PARVB: variants seen among roughly 807,000 people sequenced by gnomAD.
PARVB encodes parvin beta.
PARVB carries 46 observed loss-of-function variants against 47.0 expected under a neutral mutation model. The ratio of observed to expected loss-of-function variants is 0.98; its 90% confidence interval spans 0.77 to 1.25. The LOEUF is 1.25. PARVB is among the 50% of genes most tolerant of loss of function. The pLI, the probability that PARVB is intolerant of heterozygous loss-of-function variation, is 0.00. For synonymous variants in PARVB, 196 were observed against 196.3 expected (o/e 1.00, Z 0.01); for missense variants, 473 against 471.6 (o/e 1.00, Z -0.03).
At chr22:44,159,080 C>T (rs1019687243) in intron 11 of PARVB, among the ~76,000 whole-genome samples, 9 of 152,124 alleles carry the variant, frequency 5.9e-5, no homozygotes, top group African/African-American at 7.2e-5. Flanking sequence ...AGAGAGCGAG[C>T]GAGCGAGCAA....
chr22:44,120,083 C>T (rs1174210535), intron 4 of PARVB: 2 of 353,826 alleles, frequency 5.7e-6, no homozygotes, highest in East Asian at 1.5e-4. Context: ...CCCACAGTCT[C>T]CTGGTGAACA....
intron 10 of PARVB, among the ~76,000 whole-genome samples, chr22:44,157,777 G>C (rs1028658506): frequency 6.6e-6 from 1 of 152,114 alleles, no homozygotes; most frequent in Admixed American, 6.5e-5. Context: ...TACTTGGGAG[G>C]CTGAGGTGGG....
intron 1 of PARVB, chr22:44,086,956 G>A (rs958019165): frequency 7.2e-6 from 3 of 416,512 alleles, no homozygotes; most frequent in African/African-American, 6.5e-5. Context: ...TCCCCAGCTG[G>A]GAAGAGGAGC....
intron 1 of PARVB, among the ~76,000 whole-genome samples, chr22:44,063,059 C>T (rs1362984393): frequency 1.3e-5 from 2 of 151,920 alleles, no homozygotes; most frequent in South Asian, 2.1e-4. Context: ...AATAAAACAT[C>T]CTTTTATCTC....
chr22:44,122,584 G>GAGAC (rs2053092322), intron 4 of PARVB, among the ~76,000 whole-genome samples: 2 of 127,452 alleles, frequency 1.6e-5, no homozygotes, highest in African/African-American at 6.9e-5. Context: ...GAGAGAGAGA[G>GAGAC]AGAGAGAGAG....
chr22:44,060,144 ATC>A (rs2051392788), intron 1 of PARVB, among the ~76,000 whole-genome samples: 1 of 151,974 alleles, frequency 6.6e-6, no homozygotes, highest in Non-Finnish European at 1.5e-5. Flanking sequence ...GTAAAATGCC[ATC>A]TCTACTAAAA....
At chr22:44,138,571 G>A (rs998074354) in intron 7 of PARVB, among the ~76,000 whole-genome samples, 3 of 152,148 alleles carry the variant, frequency 2.0e-5, no homozygotes, top group African/African-American at 7.2e-5. Flanking sequence ...TTGAATCATT[G>A]GATGTCTGCT....
chr22:44,025,121 T>G (rs957746553), intron 1 of PARVB, among the ~76,000 whole-genome samples: 4 of 152,022 alleles, frequency 2.6e-5, no homozygotes, highest in African/African-American at 9.7e-5. Flanking sequence ...AATTTTCTGC[T>G]TGGGTGGGGA....
At position 44,032,327 on chromosome 22, in the gene PARVB, G is replaced by A. The variant is rs542340670; in HGVS notation, c.112+7876G>A. ...ACATGATCAGCCCTGGGAAACCAGC[G>A]GAGTCTTTTACCTCCTCTGATGTTC... On this transcript the variant is annotated intron_variant, in intron 1 of 12. Transcript: ENST00000338758. 7.2e-5 allele frequency among the ~76,000 whole-genome samples: 11 copies of A among 152,286 alleles called. No homozygotes were observed. The South Asian group carries it at 1.4e-3, about 20-fold the overall frequency.
At chr22:44,128,714 G>A (rs1173980733) in intron 4 of PARVB, among the ~76,000 whole-genome samples, 2 of 152,200 alleles carry the variant, frequency 1.3e-5, no homozygotes, top group Non-Finnish European at 2.9e-5. Context: ...TGGGTAGCCT[G>A]GCAGCCTCCC....
intron 7 of PARVB, among the ~76,000 whole-genome samples, chr22:44,138,198 C>T (rs1253044153): frequency 6.6e-6 from 1 of 152,178 alleles, no homozygotes; most frequent in Non-Finnish European, 1.5e-5. Context: ...CAGGGCGACC[C>T]ATCCTGCTGA....
intron 2 of PARVB, among the ~76,000 whole-genome samples, chr22:44,098,171 CT>C (rs1433248718): frequency 6.6e-6 from 1 of 152,138 alleles, no homozygotes; most frequent in Non-Finnish European, 1.5e-5. Flanking sequence ...CAGAAACGGG[CT>C]CTCTGAAGGC....
intron 1 of PARVB, among the ~76,000 whole-genome samples, chr22:44,081,420 A>G (rs1336306411): frequency 6.6e-6 from 1 of 152,222 alleles, no homozygotes; most frequent in Non-Finnish European, 1.5e-5. Flanking sequence ...TTTCCATGGC[A>G]GGTGCATAGT....
intron 1 of PARVB, among the ~76,000 whole-genome samples, chr22:44,026,554 C>A (rs2050733279): frequency 6.6e-6 from 1 of 152,198 alleles, no homozygotes; most frequent in Admixed American, 6.5e-5. Flanking sequence ...ATAATGAGGG[C>A]TTGAATAATT....
chr22:44,045,006 A>T (rs1208705192), intron 1 of PARVB, among the ~76,000 whole-genome samples: 1 of 152,196 alleles, frequency 6.6e-6, no homozygotes, highest in Non-Finnish European at 1.5e-5. Flanking sequence ...TGGGAGGCCG[A>T]GGCAGGAGGA....
chr22:44,124,116 A>C (rs577026522), intron 4 of PARVB, among the ~76,000 whole-genome samples: 4 of 152,214 alleles, frequency 2.6e-5, no homozygotes, highest in Non-Finnish European at 4.4e-5. Context: ...TTCATTACCT[A>C]TGAAGATTGT....
intron 11 of PARVB, among the ~76,000 whole-genome samples, chr22:44,162,325 T>C (rs1358360321): frequency 2.6e-5 from 4 of 152,174 alleles, no homozygotes; most frequent in Non-Finnish European, 5.9e-5. Context: ...TGTTTGTTTG[T>C]TTGCTTGTTT....
intron 12 of PARVB, among the ~76,000 whole-genome samples, chr22:44,167,476 C>T (rs1009070058): frequency 6.6e-6 from 1 of 152,140 alleles, no homozygotes; most frequent in Non-Finnish European, 1.5e-5. Context: ...GGCTGCTGCT[C>T]TGGTCTCCCT....
chr22:44,008,994 T>C (rs1364638240), intron 2 of PARVB, among the ~76,000 whole-genome samples: 2 of 152,092 alleles, frequency 1.3e-5, no homozygotes, highest in East Asian at 3.8e-4. Context: ...ATCTTAAAAA[T>C]AAATAAGTAA....
Sources: gnomAD v4.1 joint callset for allele counts (sites outside exome capture counted in the v4.1 genomes callset) on GRCh38, gnomAD v4.1.1 for gene constraint, MANE v1.5 for transcripts, NCBI Gene and HGNC (gene_info 2026-07-23, HGNC 2026-07-21) for gene names.